The following ELAPOR2 variants were observed in gnomAD, a reference collection of about 807,000 sequenced individuals.
The protein encoded by ELAPOR2 is endosome/lysosome-associated apoptosis and autophagy regulator family member 2.
In ELAPOR2, 89 loss-of-function variants were observed where a neutral mutation model predicts 120.7. That is an observed-to-expected ratio of 0.74 (90% CI 0.62 to 0.88). The LOEUF (loss-of-function observed/expected upper bound fraction) is 0.88, where lower values mean the gene tolerates loss of function less well. Ranked by LOEUF, ELAPOR2 falls within the 40% of genes least tolerant of loss-of-function variation. ELAPOR2 has a pLI of 0.00. For missense variants in ELAPOR2, 1,134 were observed against 1,251.6 expected (o/e 0.91, Z 1.42); for synonymous variants, 444 against 444.9 (o/e 1.00, Z 0.03).
chr7:86,912,133 C>G lies in ELAPOR2; in HGVS notation c.2108G>C (p.Ser703Thr). ...SSVGSLMNGP[S>T]FTSKGTKYFH... ...GTATTTTGTTCCTTTGGAGGTGAAG[C>G]TGGGGCCATTCATTAATGAGCCCAC... Residue 703 changes from serine to threonine, a missense_variant, in exon 15 of 22, where the codon AGC (serine) becomes ACC (threonine). Around this residue, in one of 3 missense-constraint regions of ELAPOR2, gnomAD observed 831 missense variants for 867.6 expected, o/e 0.96. Coordinates refer to ENST00000450689, the MANE Select transcript of ELAPOR2 (RefSeq NM_001142749.3). 6 of 1,613,012 alleles carry G rather than the reference C, an allele frequency of 3.7e-6. No homozygotes were observed. The highest frequency in any genetic ancestry group is 5.1e-6 in the Non-Finnish European group (6 of 1,179,094).
At chr7:86,915,114 A>AG (rs1789507356) in intron 12 of ELAPOR2, among the ~76,000 whole-genome samples, 1 of 152,100 alleles carries the variant, frequency 6.6e-6, no homozygotes, top group Admixed American at 6.6e-5. Flanking sequence ...AATATGTTTA[A>AG]GGGTTGGGGT....
intron 1 of ELAPOR2, among the ~76,000 whole-genome samples, chr7:87,022,117 T>G (rs1315878008): frequency 6.6e-6 from 1 of 152,160 alleles, no homozygotes; most frequent in Admixed American, 6.5e-5. Flanking sequence ...TTAGGGTACA[T>G]GTGCACAACA....
intron 1 of ELAPOR2, among the ~76,000 whole-genome samples, chr7:86,968,773 A>C (rs1411362470): frequency 6.6e-6 from 1 of 152,210 alleles, no homozygotes; most frequent in Non-Finnish European, 1.5e-5. Context: ...CAACAAACAC[A>C]TTGATATGAG....
chr7:86,954,362 A>G (rs1307956725), intron 2 of ELAPOR2, among the ~76,000 whole-genome samples: 3 of 152,210 alleles, frequency 2.0e-5, no homozygotes, highest in African/African-American at 7.2e-5. Context: ...CCACAAGGCC[A>G]CATAGTTTTG....
rs550659234 is a variant in ELAPOR2, at chr7:87,007,701, A to T, written c.190-42677T>A. Among the ~76,000 whole-genome samples, 4 of 152,320 alleles carry T rather than the reference A, an allele frequency of 2.6e-5. No homozygotes were observed. The East Asian group carries it at 7.7e-4, about 29-fold the overall frequency. ...AGGAAAAGTATATGATAAGCCTAGA[A>T]CGGCTTGTGCCAAAAAGTAAAGAAG... On this transcript the variant is annotated intron_variant, in intron 1 of 21. Transcript: ENST00000450689.
At chr7:86,939,042 G>A (rs767039196) in intron 6 of ELAPOR2, 82 bp from the exon 7 acceptor site, 27 of 1,477,782 alleles carry the variant, frequency 1.8e-5, no homozygotes, top group Non-Finnish European at 2.5e-5. Flanking sequence ...CTTCTACCCA[G>A]AAGTGAGGGA....
intron 8 of ELAPOR2, among the ~76,000 whole-genome samples, chr7:86,929,987 G>A (rs1484511585): frequency 1.3e-5 from 2 of 151,890 alleles, no homozygotes; most frequent in African/African-American, 4.8e-5. Flanking sequence ...AGAATCGTGA[G>A]CCAATTAAAC....
intron 1 of ELAPOR2, among the ~76,000 whole-genome samples, chr7:86,978,733 A>G (rs1792361685): frequency 6.6e-6 from 1 of 152,204 alleles, no homozygotes; most frequent in South Asian, 2.1e-4. Context: ...TATCTGTAAT[A>G]AGATTGTAAT....
Position 86,877,699 on chromosome 7 carries a change from C to T in ELAPOR2, c.*2772G>A, listed in dbSNP as rs1799220149. The T allele has an allele frequency of 1.3e-5, 2 of 152,284 alleles. No homozygotes were observed. The highest frequency in any genetic ancestry group is 3.9e-4 in the East Asian group (2 of 5,174). The allele number at this position is 152,284 out of a possible 1,614,324, so 9.4% of individuals were successfully genotyped here. ...GAAGAAGCAGTCAATCATGACCCAC[C>T]TGGGGACCTGGAGACCCCAGATGCT... is the stretch of plus-strand genomic sequence containing the variant. On this transcript the variant is annotated 3_prime_UTR_variant, in exon 22 of 22. Coordinates refer to ENST00000450689, the MANE Select transcript of ELAPOR2 (RefSeq NM_001142749.3).
At chr7:86,967,551 C>T (rs1328376960) in intron 1 of ELAPOR2, among the ~76,000 whole-genome samples, 1 of 152,128 alleles carries the variant, frequency 6.6e-6, no homozygotes, top group Non-Finnish European at 1.5e-5. Context: ...TTCTTATCAT[C>T]CTAGCAAAAT....
At position 86,892,962 on chromosome 7, in the gene ELAPOR2, G is replaced by C. The variant is rs756214331; in HGVS notation, c.2824C>G (p.Leu942Val). The C allele has an allele frequency of 1.3e-6, 2 of 1,573,168 alleles. No individual in the cohort carries two copies. The highest frequency in any genetic ancestry group is 1.7e-6 in the Non-Finnish European group (2 of 1,166,994). The change falls in exon 20 of 22, where the codon CTG (leucine) becomes GTG (valine). Residue 942 changes from leucine to valine, a missense_variant. By Grantham distance (32) the Leu-to-Val change is conservative (BLOSUM62 1). Transcript: ENST00000450689. ...CAGAAGTAGCAGGTCAGAGCCACCA[G>C]CAAAACGGCAGTAAAAGCTCCCACA... The part of the protein sequence containing the change: ...AGVGAFTAVL[L>V]VALTCYFWKK...
At chr7:86,915,916 A>G (rs543152423) in intron 12 of ELAPOR2, among the ~76,000 whole-genome samples, 31 of 152,206 alleles carry the variant, frequency 2.0e-4, no homozygotes, top group African/African-American at 7.2e-4. Flanking sequence ...AGTTCATAAT[A>G]TATTGATGGT....
chr7:86,983,903 A>C (rs1392871875), intron 1 of ELAPOR2, among the ~76,000 whole-genome samples: 1 of 152,254 alleles, frequency 6.6e-6, no homozygotes, highest in Non-Finnish European at 1.5e-5. Context: ...AATTGGATAA[A>C]GAGTCAAGAC....
chr7:86,912,396 A>G, intron 14 of ELAPOR2, 151 bp from the exon 15 acceptor site: 1 of 455,580 alleles, frequency 2.2e-6, no homozygotes, highest in Non-Finnish European at 3.9e-6. Context: ...AAGAATTTCT[A>G]AACTCTAACT....
intron 18 of ELAPOR2, among the ~76,000 whole-genome samples, chr7:86,901,632 C>T (rs369427202): frequency 6.5e-4 from 99 of 152,266 alleles, no homozygotes; most frequent in African/African-American, 2.3e-3. Context: ...TGGATTTTGT[C>T]TGAGGAGACT....
chr7:87,055,459 T>A (rs562922813), intron 1 of ELAPOR2, among the ~76,000 whole-genome samples: 31 of 152,312 alleles, frequency 2.0e-4, no homozygotes, highest in African/African-American at 6.7e-4. Context: ...GATTCATCTC[T>A]CATTAAGCTT....
intron 1 of ELAPOR2, among the ~76,000 whole-genome samples, chr7:86,975,693 A>G (rs1054669836): frequency 2.0e-5 from 3 of 152,174 alleles, no homozygotes; most frequent in African/African-American, 7.2e-5. Context: ...ACAATAAACT[A>G]TTCACACTGG....
intron 18 of ELAPOR2, 31 bp from the exon 19 acceptor site, chr7:86,897,663 A>T: frequency 6.2e-7 from 1 of 1,611,722 alleles, no homozygotes; most frequent in Admixed American, 1.7e-5. Context: ...AAAAACACAT[A>T]AGTGGCAGCT....
Position 86,947,852 on chromosome 7 carries a change from G to T in ELAPOR2, c.381C>A (p.Thr127=), listed in dbSNP as rs1479575177. 12 of 1,551,982 alleles carry T rather than the reference G, an allele frequency of 7.7e-6. No homozygotes were observed. Among genetic ancestry groups the T allele is most frequent in the Non-Finnish European group, 5.2e-6 (6 of 1,147,062 alleles). ...NQVCSKCGEG[T]YSLGSGIKFD... ...ATTTGATGCCACTGCCCAAGGAATAGGTGCCTTCACCACACTTACTGCATA... is the reference window on the plus strand; with the variant it reads ...ATTTGATGCCACTGCCCAAGGAATATGTGCCTTCACCACACTTACTGCATA... Residue 127 remains threonine, a synonymous_variant, in exon 3 of 22, where the codon ACC becomes ACA. Transcript: ENST00000450689.
Sources: allele counts gnomAD v4.1 joint callset (sites outside exome capture counted in the v4.1 genomes callset), GRCh38; gene constraint gnomAD v4.1.1; regional missense constraint gnomAD v4.1.1; transcripts MANE v1.5; gene names NCBI Gene and HGNC (gene_info 2026-07-23, HGNC 2026-07-21).